SEMA6D: variants seen among roughly 807,000 people sequenced by gnomAD.
SEMA6D encodes semaphorin 6D.
In SEMA6D, 35 loss-of-function variants were observed where a neutral mutation model predicts 106.6. The observed-to-expected ratio is 0.33, with a 90% CI of 0.25 to 0.44. SEMA6D has a LOEUF of 0.44. Among genes scored for constraint, SEMA6D ranks in the 20% least tolerant of loss-of-function variants. The pLI, the probability that SEMA6D is intolerant of heterozygous loss-of-function variation, is 1.00. For synonymous variants in SEMA6D, 499 were observed against 487.7 expected, an observed-to-expected ratio of 1.02 and a Z score of -0.31; for missense variants, 1,185 against 1,345.9, an observed-to-expected ratio of 0.88 and a Z score of 1.87.
intron 1 of SEMA6D, among the ~76,000 whole-genome samples, chr15:47,312,135 G>A (rs1210208791): frequency 1.7e-5 from 2 of 115,838 alleles, no homozygotes; most frequent in Non-Finnish European, 3.6e-5. Context: ...TTGCTTAGGC[G>A]TCTTTCTAGG....
intron 1 of SEMA6D, among the ~76,000 whole-genome samples, chr15:47,373,468 G>T (rs2039346709): frequency 6.6e-6 from 1 of 152,106 alleles, no homozygotes; most frequent in Non-Finnish European, 1.5e-5. Flanking sequence ...TTGTTTAAGA[G>T]GGAGGAGAAC....
chr15:47,568,007 G>A, intron 3 of SEMA6D, among the ~76,000 whole-genome samples: 1 of 152,080 alleles, frequency 6.6e-6, no homozygotes, highest in East Asian at 1.9e-4. Flanking sequence ...TTACCACAAT[G>A]TGCTATTATT....
intron 4 of SEMA6D, among the ~76,000 whole-genome samples, chr15:47,696,343 G>A (rs1242347576): frequency 6.6e-6 from 1 of 152,118 alleles, no homozygotes; most frequent in Non-Finnish European, 1.5e-5. Context: ...TGAGCAATGG[G>A]GTTTCTTGCT....
intron 2 of SEMA6D, among the ~76,000 whole-genome samples, chr15:47,438,414 C>G (rs2140715708): frequency 6.6e-6 from 1 of 152,216 alleles, no homozygotes; most frequent in East Asian, 1.9e-4. Context: ...CTGAAAATCC[C>G]CATGATAGAG....
At chr15:47,751,851 GA>G (rs34439079) in intron 1 of SEMA6D, among the ~76,000 whole-genome samples, 54 of 149,702 alleles carry the variant, frequency 3.6e-4, no homozygotes, top group South Asian at 1.1e-3. Flanking sequence ...CTAAGGGACT[GA>G]AAAAAAAAAT....
intron 1 of SEMA6D, among the ~76,000 whole-genome samples, chr15:47,386,901 C>T (rs1281605532): frequency 6.6e-6 from 1 of 152,184 alleles, no homozygotes; most frequent in African/African-American, 2.4e-5. Flanking sequence ...TGTTTATTTG[C>T]AAATGCAATA....
intron 3 of SEMA6D, among the ~76,000 whole-genome samples, chr15:47,547,478 C>T (rs376854346): frequency 2.0e-5 from 3 of 152,094 alleles, no homozygotes; most frequent in East Asian, 1.9e-4. Context: ...GTTTTGCTTT[C>T]GTTTTTGTTT....
intron 1 of SEMA6D, chr15:47,272,578 A>C (rs2142294750): frequency 6.6e-6 from 1 of 152,482 alleles, no homozygotes; most frequent in South Asian, 2.1e-4. Context: ...ACATAGATGC[A>C]ACAAGAATGG....
At chr15:47,325,837 T>C (rs1331897650) in intron 1 of SEMA6D, among the ~76,000 whole-genome samples, 1 of 152,190 alleles carries the variant, frequency 6.6e-6, no homozygotes, top group Non-Finnish European at 1.5e-5. Flanking sequence ...TCAGGGCAAC[T>C]TCTGGAGTTA....
In SEMA6D at chr15:47,772,817, G is replaced by A. The variant is rs1455472475; in HGVS notation, c.*1032G>A. The A allele has an allele frequency of 9.4e-6, 1 of 106,162 alleles. No individual in the cohort carries two copies. The highest frequency in any genetic ancestry group is 1.7e-5 in the Non-Finnish European group (1 of 57,336). The allele number at this position is 106,162 out of a possible 1,614,324, so 6.6% of individuals were successfully genotyped here. A position where few individuals can be genotyped will look rare whatever the true frequency, so the allele number is the denominator to read the frequency against. On this transcript the variant is annotated 3_prime_UTR_variant, in exon 19 of 19. Coordinates refer to ENST00000536845, the MANE Select transcript of SEMA6D (RefSeq NM_001358351.3). ...TGTGTTCGTTTCCCCCCCCCCAATAGTAAAATTTCTCCTCCTTTAACTCCT... is the reference window on the plus strand; with the variant it reads ...TGTGTTCGTTTCCCCCCCCCCAATAATAAAATTTCTCCTCCTTTAACTCCT...
chr15:47,535,237 G>A lies in SEMA6D; in HGVS notation c.-87+64692G>A, dbSNP rs183454026. 2.6e-5 allele frequency among the ~76,000 whole-genome samples: 4 copies of A among 152,204 alleles called. No individual in the cohort carries two copies. In the South Asian group the frequency reaches 8.3e-4, roughly 32 times the overall value. ...ATGTGATGCTTACTTATGTGTACCC[G>A]GTGCTGCTCTAAGTGTTTACATGTG... On this transcript the variant is annotated intron_variant, in intron 3 of 19. Transcript: ENST00000558014.
intron 1 of SEMA6D, among the ~76,000 whole-genome samples, chr15:47,758,063 G>T (rs971446982): frequency 2.0e-5 from 3 of 152,190 alleles, no homozygotes; most frequent in African/African-American, 7.2e-5. Flanking sequence ...AGTACAAAAT[G>T]ATGCCAGCAC....
chr15:47,568,993 C>T (rs1458082405), intron 3 of SEMA6D, among the ~76,000 whole-genome samples: 1 of 152,144 alleles, frequency 6.6e-6, no homozygotes. Flanking sequence ...CCTTTATGGA[C>T]CTCCAAGGCC....
intron 1 of SEMA6D, among the ~76,000 whole-genome samples, chr15:47,217,839 C>A (rs1488740590): frequency 6.7e-6 from 1 of 148,246 alleles, no homozygotes; most frequent in Non-Finnish European, 1.5e-5. Context: ...CATGCATATA[C>A]ACACACCCCT....
At chr15:47,549,865 A>G (rs1424628273) in intron 3 of SEMA6D, among the ~76,000 whole-genome samples, 1 of 152,208 alleles carries the variant, frequency 6.6e-6, no homozygotes, top group African/African-American at 2.4e-5. Flanking sequence ...CTAAGCAAGT[A>G]TCCTTCATTC....
Position 47,607,599 on chromosome 15 carries a change from G to C in SEMA6D, c.-55+6703G>C, listed in dbSNP as rs2076808970. ...GCATTATTGGCTTGAAGGGAAAAGT[G>C]CCAATGTGTCTAAGAAAATATTTTC... On this transcript the variant is annotated intron_variant, in intron 4 of 19. Coordinates refer to the SEMA6D transcript ENST00000558014. Among the ~76,000 whole-genome samples the C allele has an allele frequency of 1.3e-5, 2 of 152,220 alleles. 1 individual carries two copies. Among genetic ancestry groups the C allele is most frequent in the South Asian group, 4.1e-4 (2 of 4,838 alleles).
At chr15:47,763,216 T>A in intron 9 of SEMA6D, 112 bp downstream of exon 9, 1 of 712,662 alleles carries the variant, frequency 1.4e-6, no homozygotes, top group Non-Finnish European at 2.2e-6. Flanking sequence ...CAATTCAGTA[T>A]ACATAGGGCC....
At chr15:47,426,100 G>A (rs1347893522) in intron 2 of SEMA6D, among the ~76,000 whole-genome samples, 1 of 152,012 alleles carries the variant, frequency 6.6e-6, no homozygotes, top group Non-Finnish European at 1.5e-5. Flanking sequence ...GTGAATTTTT[G>A]ATAGGTTTCC....
At chr15:47,303,408 A>T (rs1004811418) in intron 1 of SEMA6D, among the ~76,000 whole-genome samples, 1 of 152,142 alleles carries the variant, frequency 6.6e-6, no homozygotes, top group African/African-American at 2.4e-5. Flanking sequence ...TGACTTTTAC[A>T]TGGTTTACTT....
Sources: allele counts gnomAD v4.1 joint callset (sites outside exome capture counted in the v4.1 genomes callset), GRCh38; gene constraint gnomAD v4.1.1; transcripts MANE v1.5; gene names NCBI Gene and HGNC (gene_info 2026-07-23, HGNC 2026-07-21).